The following PPP1CC variants were observed in gnomAD, a reference collection of about 807,000 sequenced individuals.
PPP1CC encodes the protein serine/threonine-protein phosphatase PP1-gamma catalytic subunit.
A neutral mutation model predicts 38.4 loss-of-function variants in PPP1CC; 16 were observed. The ratio of observed to expected loss-of-function variants is 0.42; its 90% CI spans 0.28 to 0.63. The LOEUF is 0.63. Among genes scored for constraint, PPP1CC ranks in the 30% least tolerant of loss-of-function variants. The pLI, the probability that PPP1CC is intolerant of heterozygous loss-of-function variation, is 0.25. For missense variants in PPP1CC, 170 were observed against 391.3 expected, an observed-to-expected ratio of 0.43 and a Z score of 4.77; for synonymous variants, 158 against 136.0, an observed-to-expected ratio of 1.16 and a Z score of -1.13.
At chr12:110,741,069 T>C (rs911722828) in intron 1 of PPP1CC, among the ~76,000 whole-genome samples, 1 of 152,204 alleles carries the variant, frequency 6.6e-6, no homozygotes, top group Non-Finnish European at 1.5e-5. Flanking sequence ...AAAAGTATGG[T>C]TCTTATATAA....
chr12:110,714,805 CAAA>C (rs1164975036), downstream of PPP1CC, among the ~76,000 whole-genome samples: 6 of 22,060 alleles, frequency 2.7e-4, no homozygotes, highest in Admixed American at 6.6e-4. Flanking sequence ...GACTCTGTCT[CAAA>C]AAAAAAAAAA....
intron 1 of PPP1CC, 82 bp from the exon 2 acceptor site, chr12:110,731,983 T>G (rs776271450): frequency 1.3e-6 from 2 of 1,492,334 alleles, no homozygotes; most frequent in Non-Finnish European, 1.8e-6. Context: ...GGCAAAAACA[T>G]GGTTTAACTA....
At position 110,742,640 on chromosome 12, in the gene PPP1CC, C is replaced by G; in HGVS notation, c.55+13G>C. On this transcript the variant is annotated intron_variant, in intron 1 of 6. Transcript: ENST00000335007. The stretch of plus-strand genomic sequence containing the variant: ...GCCCGCCTCCCCCTTCAGCCGCCCG[C>G]CGCCCCCCTTACCTTCCAGCAGCCG... 1 of 1,456,024 alleles carries G rather than the reference C, an allele frequency of 6.9e-7. No homozygotes were observed. 90.2% of individuals were successfully genotyped at this position (1,456,024 alleles called of 1,614,324 possible).
At chr12:110,742,375 T>C (rs1461174712) in intron 1 of PPP1CC, among the ~76,000 whole-genome samples, 1 of 150,248 alleles carries the variant, frequency 6.7e-6, no homozygotes, top group Admixed American at 6.6e-5. Flanking sequence ...AACGTGGGGG[T>C]GGGGAGCGGA....
chr12:110,729,459 C>T (rs2069847234), intron 3 of PPP1CC, among the ~76,000 whole-genome samples: 1 of 152,172 alleles, frequency 6.6e-6, no homozygotes, highest in Non-Finnish European at 1.5e-5. Flanking sequence ...TCCCAAAGTG[C>T]TGGGATTACA....
In PPP1CC at chr12:110,724,688, C is replaced by T; in HGVS notation, c.495G>A (p.Val165=). The T allele has an allele frequency of 6.2e-7, 1 of 1,613,178 alleles. No individual in the cohort carries two copies. Among genetic ancestry groups the T allele is most frequent in the Non-Finnish European group, 8.5e-7 (1 of 1,179,278 alleles). The stretch of plus-strand genomic sequence containing the variant: ...CATGACAGCAGAATATCTTCTCATC[C>T]ACGATGGCTGCTATCGGTAAACAGT... ...CFNCLPIAAI[V]DEKIFCCHGG... Residue 165 remains valine, a synonymous_variant, in exon 4 of 7, where the codon GTG becomes GTA. Transcript: ENST00000335007.
At chr12:110,734,493 G>A (rs1362692795) in intron 1 of PPP1CC, among the ~76,000 whole-genome samples, 4 of 152,190 alleles carry the variant, frequency 2.6e-5, no homozygotes, top group Admixed American at 1.3e-4. Context: ...ACAGGCATGC[G>A]CCACCACATC....
intron 1 of PPP1CC, among the ~76,000 whole-genome samples, chr12:110,739,138 T>C (rs1209478421): frequency 6.6e-6 from 1 of 152,012 alleles, no homozygotes; most frequent in African/African-American, 2.4e-5. Flanking sequence ...TGGCCTCATC[T>C]CTACTAAAAA....
At chr12:110,714,805 C>CAAAAAAAAAA (rs1164975036), downstream of PPP1CC, among the ~76,000 whole-genome samples, 1 of 22,066 alleles carries the variant, frequency 4.5e-5, no homozygotes, top group African/African-American at 1.8e-4. Context: ...GACTCTGTCT[C>CAAAAAAAAAA]AAAAAAAAAA....
chr12:110,713,758 G>A, the PPP1CC span, among the ~76,000 whole-genome samples: 1 of 152,138 alleles, frequency 6.6e-6, no homozygotes, highest in Non-Finnish European at 1.5e-5. Flanking sequence ...AGTTCGACCA[G>A]CATTGTCTTA....
chr12:110,709,752 G>T, the PPP1CC span, among the ~76,000 whole-genome samples: 2 of 151,460 alleles, frequency 1.3e-5, no homozygotes, highest in East Asian at 3.9e-4. Context: ...TCACTATGTT[G>T]GCTAGGCTGG....
At chr12:110,733,033 C>T (rs1379489843) in intron 1 of PPP1CC, 6 of 152,050 alleles carry the variant, frequency 3.9e-5, no homozygotes, top group East Asian at 1.9e-4. Context: ...TAATAGTCTT[C>T]GAGGAAAGAT....
In PPP1CC at chr12:110,720,942, A is replaced by C. The variant is rs2069731790; in HGVS notation, c.*134T>G. On this transcript the variant is annotated 3_prime_UTR_variant, in exon 7 of 7. Coordinates refer to ENST00000335007, the MANE Select transcript of PPP1CC (RefSeq NM_002710.4). ...ATAACCAGCAAATGCCATTCACTAA[A>C]TCAAAAATGGAAGGAAGGGCCCCCA... The C allele has an allele frequency of 1.5e-6, 1 of 664,390 alleles. No individual in the cohort carries two copies. The highest frequency in any genetic ancestry group is 2.5e-6 in the Non-Finnish European group (1 of 395,942). The allele number at this position is 664,390 out of a possible 1,614,324, so 41.2% of individuals were successfully genotyped here.
intron 1 of PPP1CC, among the ~76,000 whole-genome samples, chr12:110,739,096 G>A (rs1379359790): frequency 6.6e-6 from 1 of 152,178 alleles, no homozygotes; most frequent in Non-Finnish European, 1.5e-5. Flanking sequence ...GAGGCGGGCA[G>A]ACCACTTGAG....
intron 1 of PPP1CC, among the ~76,000 whole-genome samples, chr12:110,735,492 A>G (rs574615215): frequency 2.0e-5 from 3 of 152,222 alleles, no homozygotes; most frequent in Non-Finnish European, 4.4e-5. Flanking sequence ...TTCAAAACCA[A>G]AGGAGAAGGT....
Position 110,731,768 on chromosome 12 carries a change from A to C in PPP1CC, c.187+2T>G. On this transcript the variant is annotated splice_donor_variant, in intron 2 of 6. Coordinates refer to ENST00000335007, the MANE Select transcript of PPP1CC (RefSeq NM_002710.4). LOFTEE classifies it high-confidence loss of function. ...AAGATAACCTGTGTGCCCCAAACTT[A>C]CCACATATTTTGAGTGGTGCTTCAA... 3 of 1,605,814 alleles carry C rather than the reference A, an allele frequency of 1.9e-6. No homozygotes were observed. The highest frequency in any genetic ancestry group is 2.6e-6 in the Non-Finnish European group (3 of 1,173,168).
At chr12:110,727,425 T>A (rs2069812155) in intron 3 of PPP1CC, among the ~76,000 whole-genome samples, 1 of 152,198 alleles carries the variant, frequency 6.6e-6, no homozygotes, top group Non-Finnish European at 1.5e-5. Context: ...ACTAGGAACA[T>A]CTGGCTCCTG....
rs572739974 is a variant in PPP1CC, at chr12:110,731,709, A to G, written c.187+61T>C. The G allele has an allele frequency of 1.0e-5, 16 of 1,554,634 alleles. No individual in the cohort carries two copies. The Admixed American group carries it at 1.2e-4, about 12-fold the overall frequency. On this transcript the variant is annotated intron_variant, in intron 2 of 6. Coordinates refer to ENST00000335007, the MANE Select transcript of PPP1CC (RefSeq NM_002710.4). ...TGCTAGCTAATACAAGGTCATCAAC[A>G]TATCCTTGACTCAGTTAATCAATCA...
chr12:110,719,499 G>A (rs1397552460), downstream of PPP1CC, among the ~76,000 whole-genome samples: 2 of 152,194 alleles, frequency 1.3e-5, no homozygotes, highest in Non-Finnish European at 2.9e-5. Context: ...ATGATACTGT[G>A]TTCCATATAA....
Sources: gnomAD v4.1 joint callset for allele counts (sites outside exome capture counted in the v4.1 genomes callset) on GRCh38, gnomAD v4.1.1 for gene constraint, MANE v1.5 for transcripts, NCBI Gene and HGNC (gene_info 2026-07-23, HGNC 2026-07-21) for gene names.